PARP14: variants seen among roughly 807,000 people sequenced by gnomAD.
PARP14 encodes protein mono-ADP-ribosyltransferase PARP14.
A neutral mutation model predicts 154.2 loss-of-function variants in PARP14; 59 were observed. The observed-to-expected ratio is 0.38, with a 90% CI of 0.31 to 0.48. The LOEUF is 0.48. PARP14 is among the 20% of genes least tolerant of loss of function. PARP14 has a pLI of 0.98. For synonymous variants in PARP14, 720 were observed against 780.5 expected (o/e 0.92, Z 1.29); for missense variants, 1,734 against 2,131.6 (o/e 0.81, Z 3.67).
chr3:122,681,116 C>T lies in PARP14; in HGVS notation c.187+46C>T. On this transcript the variant is annotated intron_variant, in intron 1 of 16. Transcript: ENST00000474629. This position sits in a 1 kb window ranked among gnomAD's most constrained non-coding sequence, Gnocchi z 5.5. Reference sequence around the variant, plus strand: ...GGTGAGGAGGGGGCACCTCTGCCCTCCCTCCAGGGAAATGGCGGCAGGGCA... The same window carrying T: ...GGTGAGGAGGGGGCACCTCTGCCCTTCCTCCAGGGAAATGGCGGCAGGGCA... 6.8e-7 allele frequency: 1 copy of T among 1,478,554 alleles called. No individual in the cohort carries two copies. The highest frequency in any genetic ancestry group is 1.2e-5 in the South Asian group (1 of 86,458). The allele number at this position is 1,478,554 out of a possible 1,614,324, so 91.6% of individuals were successfully genotyped here.
rs902551339 is a variant in PARP14, at chr3:122,728,726, GAAGT to G, written c.*130_*133del. ...TATCCAAGGATCATTCTTTGTCGCT[GAAGT>G]CAGTCTTTCTTCAGCTTCCCTTTCA... On this transcript the variant is annotated 3_prime_UTR_variant, in exon 17 of 17. Transcript: ENST00000474629. 23 of 712,660 alleles carry G rather than the reference GAAGT, an allele frequency of 3.2e-5. No individual in the cohort carries two copies. Among genetic ancestry groups the G allele is most frequent in the South Asian group, 9.4e-5 (5 of 53,356 alleles). The allele number at this position is 712,660 out of a possible 1,614,324, so 44.1% of individuals were successfully genotyped here. A position where few individuals can be genotyped will look rare whatever the true frequency, so the allele number is the denominator to read the frequency against.
intron 5 of PARP14, among the ~76,000 whole-genome samples, chr3:122,698,235 G>A (rs1209855435): frequency 6.6e-6 from 1 of 152,142 alleles, no homozygotes; most frequent in African/African-American, 2.4e-5. Flanking sequence ...CCAGCTCTAG[G>A]ACCCAATCAT....
At position 122,713,433 on chromosome 3, in the gene PARP14, G is replaced by C; in HGVS notation, c.3629G>C (p.Gly1210Ala). The change falls in exon 10 of 17, where the codon GGG becomes GCG. Residue 1210 changes from glycine to alanine, a missense_variant. Gly to Ala is a moderately conservative substitution (Grantham distance 60). This residue lies in a region of PARP14 where 1,646 missense variants were observed against 1,976.0 expected (regional missense o/e 0.83). Transcript: ENST00000474629. ...CTTCTTTTCTTTTCAGGTTTTTATG[G>C]GACTGTTTCTAGCCCTGATTCAGGT... ...PKAKDTQGFY[G>A]TVSSPDSGVY... is the part of the protein sequence containing the mutation. The C allele has an allele frequency of 6.2e-7, 1 of 1,609,326 alleles. No homozygotes were observed. The highest frequency in any genetic ancestry group is 1.1e-5 in the South Asian group (1 of 90,502).
intron 3 of PARP14, among the ~76,000 whole-genome samples, chr3:122,689,460 A>G (rs1420386689): frequency 6.6e-6 from 1 of 152,064 alleles, no homozygotes; most frequent in Non-Finnish European, 1.5e-5. Flanking sequence ...AACATGCATT[A>G]CCATGCCCAG....
At chr3:122,692,204 G>A (rs1938562195) in intron 3 of PARP14, 97 bp from the exon 4 acceptor site, 4 of 966,076 alleles carry the variant, frequency 4.1e-6, no homozygotes, top group East Asian at 5.0e-5. Flanking sequence ...CAAGAGATTG[G>A]CAAGGAGAGA....
rs554033937 is a variant in PARP14 at position 122,691,324 on chromosome 3, C to T, written c.356-977C>T. 9.8e-5 allele frequency among the ~76,000 whole-genome samples: 15 copies of T among 152,314 alleles called. No individual in the cohort carries two copies. In the East Asian group the frequency reaches 2.1e-3, roughly 22 times the overall value. On this transcript the variant is annotated intron_variant, in intron 3 of 16. Transcript: ENST00000474629. ...TCCACAGAATGCCTAAAGATCAGAT[C>T]GTACCCACCATGCTTCAGTGGACAA...
chr3:122,727,880 G>GA lies in PARP14; in HGVS notation c.5012dup (p.Asn1671LysfsTer7). ...CAAAGAAAAAAACTATGGATGCCAA[G>GA]AATGGCCAGACAATGAATGAGAAGC... On this transcript the variant is annotated frameshift_variant, in exon 16 of 17. Coordinates refer to ENST00000474629, the MANE Select transcript of PARP14 (RefSeq NM_017554.3). LOFTEE classifies it high-confidence loss of function. 2 of 1,613,550 alleles carry GA rather than the reference G, an allele frequency of 1.2e-6. No individual in the cohort carries two copies. Among genetic ancestry groups the GA allele is most frequent in the Non-Finnish European group, 1.7e-6 (2 of 1,179,488 alleles).
At chr3:122,692,651 A>G (rs1938578749) in intron 4 of PARP14, 108 bp downstream of exon 4, 2 of 879,666 alleles carry the variant, frequency 2.3e-6, no homozygotes, top group Non-Finnish European at 1.7e-6. Context: ...TCTAGTAGCT[A>G]CTAAGAGAGG....
intron 1 of PARP14, among the ~76,000 whole-genome samples, chr3:122,683,082 G>GAAAC (rs148716487): frequency 3.9e-5 from 6 of 152,024 alleles, no homozygotes; most frequent in Non-Finnish European, 7.4e-5. Context: ...CAAACAAAAA[G>GAAAC]AAACAAACAA....
Position 122,685,300 on chromosome 3 carries a change from A to G in PARP14, c.303A>G (p.Glu101=). 1 of 1,613,842 alleles carries G rather than the reference A, an allele frequency of 6.2e-7. No homozygotes were observed. Among genetic ancestry groups the G allele is most frequent in the Non-Finnish European group, 8.5e-7 (1 of 1,179,840 alleles). ...CAGATGAAATCGATCATGTCTTTGA[A>G]GAGGAACTTCTAACAAAAGCAAGTA... ...ATPDEIDHVF[E]EELLTKESKT... The change falls in exon 2 of 17, where the codon GAA becomes GAG. Residue 101 remains glutamate, a synonymous_variant. Transcript: ENST00000474629.
Position 122,680,857 on chromosome 3 carries a change from G to T in PARP14, c.-27G>T, listed in dbSNP as rs1007062316. 6.4e-7 allele frequency: 1 copy of T among 1,574,670 alleles called. No individual in the cohort carries two copies. The highest frequency in any genetic ancestry group is 8.6e-7 in the Non-Finnish European group (1 of 1,156,986). ...GCGGCCCGGAGTTGGCGCGGCCCCTGCAGTCCGGCGGAGAGCGGAGCTGAG... is the reference window on the plus strand; with the variant it reads ...GCGGCCCGGAGTTGGCGCGGCCCCTTCAGTCCGGCGGAGAGCGGAGCTGAG... On this transcript the variant is annotated 5_prime_UTR_variant, in exon 1 of 17. Coordinates refer to ENST00000474629, the MANE Select transcript of PARP14 (RefSeq NM_017554.3).
At position 122,701,095 on chromosome 3, in the gene PARP14, C is replaced by T. The variant is rs1488227713; in HGVS notation, c.2541C>T (p.Ala847=). The part of the protein sequence containing the change: ...LSKAAGPELQ[A]DCDQIVKREG... ...AAGCAGCTGGCCCTGAGCTCCAGGC[C>T]GACTGTGACCAGATAGTGAAGAGAG... Residue 847 remains alanine (A), a synonymous_variant, in exon 6 of 17, where the codon GCC becomes GCT. Transcript: ENST00000474629. This position sits in a 1 kb window ranked among gnomAD's most constrained non-coding sequence, Gnocchi z 4.0. 8.7e-6 allele frequency: 14 copies of T among 1,613,946 alleles called. No individual in the cohort carries two copies. In the South Asian group the frequency reaches 1.1e-4, roughly 13 times the overall value.
chr3:122,707,855 T>C (rs1467507860), intron 8 of PARP14, among the ~76,000 whole-genome samples: 5 of 152,204 alleles, frequency 3.3e-5, no homozygotes, highest in Admixed American at 2.6e-4. Flanking sequence ...GGCTAATAAA[T>C]ACTCCAACAC....
intron 15 of PARP14, among the ~76,000 whole-genome samples, chr3:122,724,600 C>A (rs1234908048): frequency 6.6e-6 from 1 of 150,832 alleles, no homozygotes; most frequent in African/African-American, 2.4e-5. Context: ...CCACAGCACC[C>A]AGCCATATTC....
intron 2 of PARP14, 166 bp from the exon 3 acceptor site, chr3:122,686,914 A>C: frequency 1.9e-6 from 1 of 535,734 alleles, no homozygotes. Context: ...CTTGCAAGTG[A>C]ATATGCCACT....
At position 122,701,542 on chromosome 3, in the gene PARP14, G is replaced by A. The variant is rs750476433; in HGVS notation, c.2988G>A (p.Ala996=). 41 of 1,611,438 alleles carry A rather than the reference G, an allele frequency of 2.5e-5. No homozygotes were observed. The highest frequency in any genetic ancestry group is 1.6e-4 in the Middle Eastern group (1 of 6,082). The change falls in exon 6 of 17, where the codon GCG becomes GCA. Residue 996 remains alanine, a synonymous_variant. Coordinates refer to ENST00000474629, the MANE Select transcript of PARP14 (RefSeq NM_017554.3). This position sits in a 1 kb window ranked among gnomAD's most constrained non-coding sequence, Gnocchi z 4.0. ...AAPPGLPPAA[A]GPGKTSWEKG... is the part of the protein sequence containing the mutation. ...CGCCAGGTTTACCACCAGCAGCAGC[G>A]GGGCCTGGGAAAACATCATGGGAAA...
intron 8 of PARP14, among the ~76,000 whole-genome samples, chr3:122,707,420 G>A (rs990560047): frequency 3.6e-5 from 2 of 55,636 alleles, no homozygotes; most frequent in East Asian, 1.4e-3. Flanking sequence ...AATAAATAAA[G>A]GATTGTGATT....
rs768232690 is a variant in PARP14, at chr3:122,680,862, C to T, written c.-22C>T. On this transcript the variant is annotated 5_prime_UTR_variant, in exon 1 of 17. Coordinates refer to ENST00000474629, the MANE Select transcript of PARP14 (RefSeq NM_017554.3). ...CCGGAGTTGGCGCGGCCCCTGCAGT[C>T]CGGCGGAGAGCGGAGCTGAGGATGG... 1.9e-6 allele frequency: 3 copies of T among 1,579,358 alleles called. No individual in the cohort carries two copies. The highest frequency in any genetic ancestry group is 2.3e-5 in the South Asian group (2 of 87,012).
intron 5 of PARP14, among the ~76,000 whole-genome samples, chr3:122,697,400 C>T (rs1160089365): frequency 6.6e-6 from 1 of 152,216 alleles, no homozygotes; most frequent in Admixed American, 6.5e-5. Context: ...GGTCCAATAA[C>T]TTGCCCAAGA....
Sources: gnomAD v4.1 joint callset for allele counts (sites outside exome capture counted in the v4.1 genomes callset) on GRCh38, gnomAD v4.1.1 for gene constraint, gnomAD v4.1.1 regional missense constraint, Gnocchi (gnomAD v3.1) non-coding constraint, MANE v1.5 for transcripts, NCBI Gene and HGNC (gene_info 2026-07-23, HGNC 2026-07-21) for gene names.